ST3GAL5: variants seen among roughly 807,000 people sequenced by gnomAD.
ST3GAL5 encodes the protein lactosylceramide alpha-2,3-sialyltransferase.
ST3GAL5 carries 25 observed loss-of-function variants against 46.1 expected under a neutral mutation model. That is an observed-to-expected ratio of 0.54 (90% CI 0.40 to 0.76). ST3GAL5 has a LOEUF of 0.76. Among genes scored for constraint, ST3GAL5 ranks in the 30% least tolerant of loss-of-function variants. The pLI is 0.00. For missense variants in ST3GAL5, 431 were observed against 521.2 expected, an observed-to-expected ratio of 0.83 and a Z score of 1.69; for synonymous variants, 182 against 192.7, an observed-to-expected ratio of 0.94 and a Z score of 0.46.
chr2:85,871,798 C>T (rs938406604), intron 1 of ST3GAL5, among the ~76,000 whole-genome samples: 13 of 152,158 alleles, frequency 8.5e-5, no homozygotes, highest in South Asian at 4.1e-4. Context: ...TTTGTAATGT[C>T]GGGAGGGGGC....
At chr2:85,855,920 A>G (rs1210424289) in intron 3 of ST3GAL5, 1 of 152,226 alleles carries the variant, frequency 6.6e-6, no homozygotes, top group African/African-American at 2.4e-5. Context: ...TCAGGATGAC[A>G]GTAGTAAAAA....
intron 1 of ST3GAL5, among the ~76,000 whole-genome samples, chr2:85,884,593 C>A (rs1021686561): frequency 1.3e-5 from 2 of 152,166 alleles, no homozygotes; most frequent in Non-Finnish European, 2.9e-5. Context: ...AACTGGACTG[C>A]AGAAAGTGAC....
intron 1 of ST3GAL5, among the ~76,000 whole-genome samples, chr2:85,884,317 T>A (rs1687520674): frequency 6.6e-6 from 1 of 152,156 alleles, no homozygotes; most frequent in African/African-American, 2.4e-5. Context: ...GGGAGTGAAT[T>A]TACTGTGAAA....
At chr2:85,846,088 C>T (rs1303393030) in intron 5 of ST3GAL5, 9 of 361,556 alleles carry the variant, frequency 2.5e-5, no homozygotes, top group South Asian at 8.1e-5. Context: ...CCTAGCTACT[C>T]GGGAGGCTGA....
At chr2:85,852,504 T>G (rs990015663) in intron 3 of ST3GAL5, among the ~76,000 whole-genome samples, 2 of 152,108 alleles carry the variant, frequency 1.3e-5, no homozygotes, top group African/African-American at 4.8e-5. Flanking sequence ...AGAAAAAAAT[T>G]TAAATAACCA....
intron 1 of ST3GAL5, among the ~76,000 whole-genome samples, chr2:85,877,720 T>C (rs569594482): frequency 3.9e-5 from 6 of 152,196 alleles, no homozygotes; most frequent in Non-Finnish European, 8.8e-5. Flanking sequence ...CACCAGTAGA[T>C]TCTTGCAGGA....
rs1252017833 is a variant in ST3GAL5, at chr2:85,888,977, G to A, written c.-72C>T. 8.5e-7 allele frequency: 1 copy of A among 1,176,664 alleles called. No homozygotes were observed. Among genetic ancestry groups the A allele is most frequent in the South Asian group, 2.9e-5 (1 of 34,690 alleles). 72.9% of individuals were successfully genotyped at this position (1,176,664 alleles called of 1,614,324 possible). Reference sequence around the variant, plus strand: ...CCCACCCGCCCCCAGCGCCGCTCTCGCGCCCATTCAGCTGGGGGCCGCCGC... The same window carrying A: ...CCCACCCGCCCCCAGCGCCGCTCTCACGCCCATTCAGCTGGGGGCCGCCGC... On this transcript the variant is annotated 5_prime_UTR_variant, in exon 1 of 7. Transcript: ENST00000638572.
At chr2:85,875,845 T>C (rs750751754) in intron 1 of ST3GAL5, among the ~76,000 whole-genome samples, 2 of 152,052 alleles carry the variant, frequency 1.3e-5, no homozygotes, top group Non-Finnish European at 2.9e-5. Flanking sequence ...GAACTCCTCT[T>C]TGCGAATTCT....
At chr2:85,862,451 C>T (rs913289929) in intron 2 of ST3GAL5, among the ~76,000 whole-genome samples, 1 of 151,978 alleles carries the variant, frequency 6.6e-6, no homozygotes, top group African/African-American at 2.4e-5. Flanking sequence ...TCTCTTCAGC[C>T]CCAGAAAAGG....
chr2:85,845,569 A>G (rs1470675731), intron 5 of ST3GAL5: 1 of 152,472 alleles, frequency 6.6e-6, no homozygotes, highest in Non-Finnish European at 1.5e-5. Flanking sequence ...CAGAGTGTAC[A>G]GCTGTACACA....
intron 6 of ST3GAL5, among the ~76,000 whole-genome samples, chr2:85,840,942 C>CAAAAAAAAAAAAA (rs1272089535): frequency 8.3e-5 from 2 of 24,180 alleles, no homozygotes; most frequent in African/African-American, 2.6e-4. Context: ...GACTCTGTCT[C>CAAAAAAAAAAAAA]AAAAAAAAAA....
At chr2:85,860,959 A>G in intron 3 of ST3GAL5, 2 of 541,010 alleles carry the variant, frequency 3.7e-6, no homozygotes, top group Non-Finnish European at 6.7e-6. Context: ...CTCATCCCAC[A>G]CCCCAGCTGC....
intron 3 of ST3GAL5, among the ~76,000 whole-genome samples, chr2:85,859,656 C>G (rs1291258985): frequency 6.6e-6 from 1 of 152,150 alleles, no homozygotes; most frequent in Non-Finnish European, 1.5e-5. Flanking sequence ...GCTAACTGAG[C>G]TCTTCATTTA....
intron 6 of ST3GAL5, among the ~76,000 whole-genome samples, chr2:85,843,970 A>C (rs1682456163): frequency 6.6e-6 from 1 of 152,204 alleles, no homozygotes; most frequent in Non-Finnish European, 1.5e-5. Context: ...GATAAAAATC[A>C]ATACTCACCT....
intron 3 of ST3GAL5, chr2:85,860,832 CAAA>C (rs111470680): frequency 2.0e-3 from 514 of 252,264 alleles, no homozygotes; most frequent in South Asian, 4.0e-3. Flanking sequence ...GACCCTGACT[CAAA>C]AAAAAAAAAA....
intron 6 of ST3GAL5, among the ~76,000 whole-genome samples, chr2:85,841,039 T>A (rs116184388): frequency 0.015 from 1,438 of 96,082 alleles, 13 homozygotes; most frequent in Middle Eastern, 0.031. Context: ...AAAAAAAAAA[T>A]AAAAAAAAAA....
intron 5 of ST3GAL5, chr2:85,845,460 C>G (rs927002793): frequency 6.6e-6 from 1 of 152,198 alleles, no homozygotes; most frequent in African/African-American, 2.4e-5. Flanking sequence ...GGTGGGTGAA[C>G]AACCTCAGTA....
At chr2:85,860,764 T>C (rs1276840339) in intron 3 of ST3GAL5, among the ~76,000 whole-genome samples, 15 of 150,600 alleles carry the variant, frequency 1.0e-4, no homozygotes, top group Admixed American at 9.9e-4. Flanking sequence ...TCCCAGCTAC[T>C]CAGAAGGCTG....
At chr2:85,843,706 C>T (rs972191684) in intron 6 of ST3GAL5, among the ~76,000 whole-genome samples, 1 of 152,098 alleles carries the variant, frequency 6.6e-6, no homozygotes, top group African/African-American at 2.4e-5. Context: ...ATCAAGAAGC[C>T]GCAAGTAATA....
Sources: gnomAD v4.1 joint callset for allele counts (sites outside exome capture counted in the v4.1 genomes callset) on GRCh38, gnomAD v4.1.1 for gene constraint, MANE v1.5 for transcripts, NCBI Gene and HGNC (gene_info 2026-07-23, HGNC 2026-07-21) for gene names.